AUTS2: variants seen among roughly 807,000 people sequenced by gnomAD.
AUTS2 encodes autism susceptibility gene 2 protein.
AUTS2 carries 17 observed loss-of-function variants against 112.4 expected under a neutral mutation model. The ratio of observed to expected loss-of-function variants is 0.15; its 90% confidence interval spans 0.10 to 0.23. The LOEUF (loss-of-function observed/expected upper bound fraction) is 0.23, where lower values mean the gene tolerates loss of function less well. AUTS2 is among the 10% of genes least tolerant of loss of function. The pLI, the probability that AUTS2 is intolerant of heterozygous loss-of-function variation, is 1.00. For missense variants in AUTS2, 1,510 were observed against 1,701.6 expected (o/e 0.89, Z 1.98); for synonymous variants, 751 against 702.7 (o/e 1.07, Z -1.09).
At chr7:70,281,123 A>T (rs955378762) in intron 4 of AUTS2, among the ~76,000 whole-genome samples, 2 of 152,294 alleles carry the variant, frequency 1.3e-5, no homozygotes, top group East Asian at 1.9e-4. Flanking sequence ...CGGGGTAAAC[A>T]TCCAACAATC....
intron 6 of AUTS2, among the ~76,000 whole-genome samples, chr7:70,714,105 C>T (rs989999514): frequency 6.6e-6 from 1 of 152,116 alleles, no homozygotes; most frequent in Non-Finnish European, 1.5e-5. Flanking sequence ...TCACACCACT[C>T]AAAGGTGTGA....
chr7:69,945,410 A>G (rs1049078677), intron 2 of AUTS2, among the ~76,000 whole-genome samples: 1 of 152,188 alleles, frequency 6.6e-6, no homozygotes, highest in Non-Finnish European at 1.5e-5. Flanking sequence ...TTCAATATTC[A>G]TGTTGTAGCA....
intron 1 of AUTS2, among the ~76,000 whole-genome samples, chr7:69,655,784 C>T (rs929364069): frequency 3.3e-5 from 5 of 152,112 alleles, no homozygotes; most frequent in Non-Finnish European, 7.3e-5. Flanking sequence ...GAGGGCCGTG[C>T]CTTCCTGGGG....
intron 5 of AUTS2, among the ~76,000 whole-genome samples, chr7:70,548,927 C>CA (rs1800906057): frequency 7.0e-6 from 1 of 142,454 alleles, no homozygotes; most frequent in East Asian, 2.1e-4. Flanking sequence ...AATTTCTACC[C>CA]CCCCCCCAAA....
Position 70,774,009 on chromosome 7 carries a change from T to C in AUTS2, c.1831-19T>C, listed in dbSNP as rs1294050349. The stretch of plus-strand genomic sequence containing the variant: ...TGTTTTGTGCTTCCTAAGTAAGCTG[T>C]GGTCTAATTAATTTGTAGACATCCA... On this transcript the variant is annotated intron_variant, in intron 11 of 18. Coordinates refer to ENST00000342771, the MANE Select transcript of AUTS2 (RefSeq NM_015570.4). The C allele has an allele frequency of 3.7e-6, 6 of 1,613,096 alleles. No individual in the cohort carries two copies. The highest frequency in any genetic ancestry group is 2.2e-5 in the East Asian group (1 of 44,900).
chr7:69,855,576 A>C lies in AUTS2; in HGVS notation c.310-43710A>C, dbSNP rs183619173. Among the ~76,000 whole-genome samples the C allele has an allele frequency of 2.0e-4, 30 of 152,272 alleles. No individual in the cohort carries two copies. In the East Asian group the frequency reaches 4.5e-3, roughly 23 times the overall value. ...TACAGGGTTTCAGTTTTCTCAACTC[A>C]AGAGAGTAGATAAGGCACTTAATGT... On this transcript the variant is annotated intron_variant, in intron 1 of 18. Transcript: ENST00000342771.
At chr7:70,047,023 T>C (rs1489296414) in intron 2 of AUTS2, among the ~76,000 whole-genome samples, 1 of 152,226 alleles carries the variant, frequency 6.6e-6, no homozygotes, top group Non-Finnish European at 1.5e-5. Context: ...GTTTAGACTC[T>C]GTACAGCACT....
intron 4 of AUTS2, among the ~76,000 whole-genome samples, chr7:70,404,219 A>C (rs1794439315): frequency 6.6e-6 from 1 of 152,146 alleles, no homozygotes; most frequent in African/African-American, 2.4e-5. Context: ...GCATGAGTTA[A>C]GAGATCTATC....
chr7:70,714,476 C>T (rs1466052060), intron 6 of AUTS2, among the ~76,000 whole-genome samples: 2 of 152,156 alleles, frequency 1.3e-5, no homozygotes, highest in African/African-American at 4.8e-5. Flanking sequence ...GCAGTAATTC[C>T]TCAGTGTCAT....
intron 1 of AUTS2, among the ~76,000 whole-genome samples, chr7:69,692,402 T>G (rs1404680949): frequency 1.3e-5 from 2 of 152,224 alleles, no homozygotes; most frequent in Non-Finnish European, 2.9e-5. Context: ...TTTTCCAGTG[T>G]TGCTCTGGTA....
At chr7:70,336,857 T>C (rs1791012863) in intron 4 of AUTS2, among the ~76,000 whole-genome samples, 1 of 152,180 alleles carries the variant, frequency 6.6e-6, no homozygotes, top group Non-Finnish European at 1.5e-5. Context: ...CTCAGTAAGA[T>C]AAAATTATAT....
intron 5 of AUTS2, among the ~76,000 whole-genome samples, chr7:70,636,728 C>T (rs1805553115): frequency 6.6e-6 from 1 of 151,754 alleles, no homozygotes; most frequent in South Asian, 2.1e-4. Flanking sequence ...CTTACTGCAG[C>T]CTCAAACTCC....
chr7:69,646,553 G>A (rs149086093), intron 1 of AUTS2, among the ~76,000 whole-genome samples: 188 of 152,298 alleles, frequency 1.2e-3, no homozygotes, highest in African/African-American at 4.3e-3. Flanking sequence ...TTGCAAATAT[G>A]GTTATACCAA....
chr7:70,038,947 C>T (rs1364339175), intron 2 of AUTS2, among the ~76,000 whole-genome samples: 8 of 151,914 alleles, frequency 5.3e-5, no homozygotes, highest in Admixed American at 1.3e-4. Context: ...TTAGTAGAGA[C>T]GGAGTTTCAC....
chr7:70,449,787 T>C (rs1040852233), intron 5 of AUTS2, among the ~76,000 whole-genome samples: 1 of 152,202 alleles, frequency 6.6e-6, no homozygotes, highest in African/African-American at 2.4e-5. Context: ...TTAAAAGCCA[T>C]AGAAATACAC....
Position 70,212,161 on chromosome 7 carries a change from TG to T in AUTS2, c.660+77593del, listed in dbSNP as rs1810941377. Among the ~76,000 whole-genome samples, 11 of 152,340 alleles carry T rather than the reference TG, an allele frequency of 7.2e-5. No homozygotes were observed. The South Asian group carries it at 2.3e-3, about 32-fold the overall frequency. On this transcript the variant is annotated intron_variant, in intron 4 of 18. Coordinates refer to ENST00000342771, the MANE Select transcript of AUTS2 (RefSeq NM_015570.4). Reference sequence around the variant, plus strand: ...TTATTTGAGGCTAGTTTTGTGGTGGTGGGATCTGAGCACTGCTGAGTGTTAA... The same window carrying T: ...TTATTTGAGGCTAGTTTTGTGGTGGTGGATCTGAGCACTGCTGAGTGTTAA...
At chr7:69,660,245 G>A (rs1379000723) in intron 1 of AUTS2, among the ~76,000 whole-genome samples, 2 of 152,188 alleles carry the variant, frequency 1.3e-5, no homozygotes, top group African/African-American at 2.4e-5. Context: ...CCTTCCTGCT[G>A]TTTTCCTTTT....
intron 4 of AUTS2, among the ~76,000 whole-genome samples, chr7:70,235,797 A>C (rs1038181810): frequency 4.0e-5 from 6 of 151,686 alleles, no homozygotes; most frequent in Non-Finnish European, 8.8e-5. Context: ...GAGTACGGGC[A>C]CCCACCACCA....
At chr7:69,879,120 CTGTGTG>C (rs5884770) in intron 1 of AUTS2, among the ~76,000 whole-genome samples, 8,073 of 147,428 alleles carry the variant, frequency 0.055, 318 homozygotes, top group African/African-American at 0.11. Flanking sequence ...TTGAGACTTT[CTGTGTG>C]TGTGTGTGTG....
Sources: allele counts gnomAD v4.1 joint callset (sites outside exome capture counted in the v4.1 genomes callset), GRCh38; gene constraint gnomAD v4.1.1; transcripts MANE v1.5; gene names NCBI Gene and HGNC (gene_info 2026-07-23, HGNC 2026-07-21).